PRKCE: variants seen among roughly 807,000 people sequenced by gnomAD.
PRKCE encodes the protein protein kinase C epsilon.
PRKCE carries 16 observed loss-of-function variants against 85.4 expected under a neutral mutation model. The ratio of observed to expected loss-of-function variants is 0.19; its 90% confidence interval spans 0.13 to 0.28. The LOEUF is 0.28. Ranked by LOEUF, PRKCE falls within the 10% of genes least tolerant of loss-of-function variation. The pLI, the probability that PRKCE is intolerant of heterozygous loss-of-function variation, is 1.00. For synonymous variants in PRKCE, 388 were observed against 371.5 expected, an observed-to-expected ratio of 1.04 and a Z score of -0.51; for missense variants, 573 against 975.2, an observed-to-expected ratio of 0.59 and a Z score of 5.49.
intron 1 of PRKCE, among the ~76,000 whole-genome samples, chr2:45,703,487 G>A (rs1026560564): frequency 1.3e-5 from 2 of 151,740 alleles, no homozygotes; most frequent in African/African-American, 4.8e-5. Flanking sequence ...GCAGTGAGCT[G>A]TGATCACAAC....
rs989810677 is a variant in PRKCE at position 46,083,348 on chromosome 2, G to A, written c.1438-2860G>A. ...GTGAGTGATAAAACCGATATGGGAAGGCCTCTTTCTCATCCCACAGCCCCT... is the reference window on the plus strand; with the variant it reads ...GTGAGTGATAAAACCGATATGGGAAAGCCTCTTTCTCATCCCACAGCCCCT... On this transcript the variant is annotated intron_variant, in intron 10 of 14. Transcript: ENST00000306156. 2.0e-5 allele frequency among the ~76,000 whole-genome samples: 3 copies of A among 152,302 alleles called. No homozygotes were observed. The South Asian group carries it at 6.2e-4, about 32-fold the overall frequency.
At chr2:45,714,098 T>G (rs757877848) in intron 1 of PRKCE, among the ~76,000 whole-genome samples, 6 of 152,244 alleles carry the variant, frequency 3.9e-5, no homozygotes, top group Admixed American at 1.3e-4. Context: ...TAAGCATTTT[T>G]TGAGATCCAG....
At chr2:46,035,079 T>C (rs1368960353) in intron 10 of PRKCE, among the ~76,000 whole-genome samples, 1 of 152,220 alleles carries the variant, frequency 6.6e-6, no homozygotes, top group South Asian at 2.1e-4. Context: ...TCACCCTTCC[T>C]CTTCCTTCAG....
chr2:45,867,073 G>A (rs4952785), intron 2 of PRKCE, among the ~76,000 whole-genome samples: 10,168 of 152,268 alleles, frequency 0.067, 447 homozygotes, highest in South Asian at 0.2. Flanking sequence ...AGCTCCCCAA[G>A]GTGCCTCTAA....
intron 1 of PRKCE, among the ~76,000 whole-genome samples, chr2:45,677,417 C>T (rs1391836345): frequency 4.1e-5 from 6 of 146,222 alleles, no homozygotes; most frequent in Non-Finnish European, 7.4e-5. Context: ...ACTGCAGTGG[C>T]GCAATCTCAG....
intron 2 of PRKCE, among the ~76,000 whole-genome samples, chr2:45,868,398 G>C (rs1198194795): frequency 6.8e-6 from 1 of 146,646 alleles, no homozygotes; most frequent in Admixed American, 6.8e-5. Context: ...CTGATTAAAT[G>C]AATGTACACT....
Position 45,661,136 on chromosome 2 carries a change from C to T in PRKCE, c.348+8688C>T, listed in dbSNP as rs149617764. Reference sequence around the variant, plus strand: ...CAGCAAGGAGTAGACTCACTGAGCTCCTGACCCCAAGAGATAGATAAGACT... The same window carrying T: ...CAGCAAGGAGTAGACTCACTGAGCTTCTGACCCCAAGAGATAGATAAGACT... On this transcript the variant is annotated intron_variant, in intron 1 of 14. Transcript: ENST00000306156. Among the ~76,000 whole-genome samples the T allele has an allele frequency of 5.6e-4, 85 of 152,318 alleles. 2 individuals carry two copies. In the East Asian group the frequency reaches 0.013, roughly 23 times the overall value.
Position 46,068,368 on chromosome 2 carries a change from C to T in PRKCE, c.1438-17840C>T, listed in dbSNP as rs1364439728. Among the ~76,000 whole-genome samples, 1 of 152,044 alleles carries T rather than the reference C, an allele frequency of 6.6e-6. No individual in the cohort carries two copies. The highest frequency in any genetic ancestry group is 1.9e-4 in the East Asian group (1 of 5,190). ...TTTCTAGAGTAATGGTGCTCACCCA[C>T]CTTGGTAGTTCAGACAATCATAGCA... On this transcript the variant is annotated intron_variant, in intron 10 of 14. Transcript: ENST00000306156. The surrounding 1 kb of genome is among the most constrained non-coding windows in gnomAD (Gnocchi z 4.3).
intron 14 of PRKCE, among the ~76,000 whole-genome samples, chr2:46,173,556 G>A (rs559863184): frequency 4.6e-5 from 7 of 152,288 alleles, no homozygotes; most frequent in African/African-American, 1.2e-4. Context: ...CCTCAGTTTC[G>A]CAGGAGCAAG....
Position 46,151,210 on chromosome 2 carries a change from C to T in PRKCE, c.1901C>T (p.Ala634Val), listed in dbSNP as rs1574607171. Residue 634 changes from alanine (A) to valine (V), a missense_variant, in exon 13 of 15, where the codon GCT becomes GTT. By Grantham distance (64) the Ala-to-Val change is moderately conservative. Around this residue, in one of 11 missense-constraint regions of PRKCE, gnomAD observed 72 missense variants for 166.0 expected, o/e 0.43. Coordinates refer to ENST00000306156, the MANE Select transcript of PRKCE (RefSeq NM_005400.3). Reference protein sequence around the residue: ...VLYPVWLSKEAVSILKAFMTK... With the variant: ...VLYPVWLSKEVVSILKAFMTK... ...TACCCAGTCTGGCTCAGCAAGGAGGCTGTCAGCATCTTGAAAGCTGTGAGT... is the reference window on the plus strand; with the variant it reads ...TACCCAGTCTGGCTCAGCAAGGAGGTTGTCAGCATCTTGAAAGCTGTGAGT... The T allele has an allele frequency of 1.3e-6, 2 of 1,597,202 alleles. No individual in the cohort carries two copies. The highest frequency in any genetic ancestry group is 4.5e-5 in the East Asian group (2 of 44,760).
chr2:45,809,612 G>A (rs979689426), intron 1 of PRKCE, among the ~76,000 whole-genome samples: 2 of 151,800 alleles, frequency 1.3e-5, no homozygotes, highest in South Asian at 4.2e-4. Flanking sequence ...GGTCGGGCAC[G>A]GTGGCTCATG....
intron 1 of PRKCE, among the ~76,000 whole-genome samples, chr2:45,668,878 C>T (rs765530881): frequency 6.6e-6 from 1 of 152,100 alleles, no homozygotes. Flanking sequence ...ACGGCCCTTT[C>T]GTATACAGTT....
chr2:45,930,946 C>G (rs1246760770), intron 2 of PRKCE, among the ~76,000 whole-genome samples: 2 of 152,194 alleles, frequency 1.3e-5, no homozygotes, highest in Non-Finnish European at 2.9e-5. Context: ...GCAACTTACC[C>G]TAATGGCGTG....
intron 2 of PRKCE, among the ~76,000 whole-genome samples, chr2:45,908,004 C>A (rs997407594): frequency 2.0e-5 from 3 of 152,156 alleles, no homozygotes; most frequent in Non-Finnish European, 4.4e-5. Context: ...GCGATTATCA[C>A]CCCATTTTTG....
chr2:45,822,328 C>T (rs1267777680), intron 1 of PRKCE, among the ~76,000 whole-genome samples: 1 of 152,206 alleles, frequency 6.6e-6, no homozygotes, highest in Non-Finnish European at 1.5e-5. Context: ...TTGAGCCAGC[C>T]CGGGAGAAAA....
At chr2:45,801,852 T>C (rs1159137780) in intron 1 of PRKCE, among the ~76,000 whole-genome samples, 1 of 152,156 alleles carries the variant, frequency 6.6e-6, no homozygotes, top group Non-Finnish European at 1.5e-5. Context: ...GAAGTTTCAA[T>C]GTTGTGCTGA....
intron 10 of PRKCE, among the ~76,000 whole-genome samples, chr2:46,011,529 C>A (rs1032130197): frequency 6.6e-6 from 1 of 152,146 alleles, no homozygotes; most frequent in Non-Finnish European, 1.5e-5. Context: ...ATGGAGTTTA[C>A]ATTATCTTTG....
At chr2:45,862,848 C>A (rs112527058) in intron 2 of PRKCE, among the ~76,000 whole-genome samples, 6 of 152,186 alleles carry the variant, frequency 3.9e-5, no homozygotes, top group Admixed American at 3.9e-4. Context: ...GCGCAGGGTG[C>A]CCCTAGGCTC....
At chr2:45,730,217 A>G (rs1681447595) in intron 1 of PRKCE, among the ~76,000 whole-genome samples, 1 of 152,176 alleles carries the variant, frequency 6.6e-6, no homozygotes, top group Non-Finnish European at 1.5e-5. Flanking sequence ...ACTTGAGTGC[A>G]GTGGTGCTCA....
Sources: gnomAD v4.1 joint callset for allele counts (sites outside exome capture counted in the v4.1 genomes callset) on GRCh38, gnomAD v4.1.1 for gene constraint, gnomAD v4.1.1 regional missense constraint, Gnocchi (gnomAD v3.1) non-coding constraint, MANE v1.5 for transcripts, NCBI Gene and HGNC (gene_info 2026-07-23, HGNC 2026-07-21) for gene names.